The following CA14 variants were observed in gnomAD, a reference collection of about 807,000 sequenced individuals.
CA14 encodes CA-XIV.
A neutral mutation model predicts 48.8 loss-of-function variants in CA14; 44 were observed. That is an observed-to-expected ratio of 0.90 (90% confidence interval 0.71 to 1.16). The LOEUF (loss-of-function observed/expected upper bound fraction) is 1.16. Among genes scored for constraint, CA14 ranks in the 50% most tolerant of loss-of-function variants. The pLI is 0.00. For synonymous variants in CA14, 154 were observed against 155.0 expected (o/e 0.99, Z 0.05); for missense variants, 386 against 401.0 (o/e 0.96, Z 0.32).
chr1:150,262,925 T>C (rs1651193996), intron 6 of CA14, 55 bp downstream of exon 6: 2 of 1,585,342 alleles, frequency 1.3e-6, no homozygotes, highest in Non-Finnish European at 1.7e-6. Context: ...AAAACTATCC[T>C]TAAAAGCCTT....
At chr1:150,260,278 C>T (rs1553847518) in intron 2 of CA14, 107 bp downstream of exon 2, 3 of 1,046,562 alleles carry the variant, frequency 2.9e-6, no homozygotes, top group Admixed American at 1.8e-5. Context: ...ACCTTCTCAC[C>T]CTAGCTCCTC....
intron 1 of CA14, among the ~76,000 whole-genome samples, 185 bp from the exon 2 acceptor site, chr1:150,259,966 G>GC (rs1180305001): frequency 5.3e-5 from 8 of 152,138 alleles, no homozygotes; most frequent in East Asian, 1.9e-4. Flanking sequence ...TTTTAAATAG[G>GC]CCCCCCGACC....
chr1:150,261,526 C>T lies in CA14; in HGVS notation c.144C>T (p.Ile48=). The T allele has an allele frequency of 6.2e-6, 10 of 1,614,108 alleles. No homozygotes were observed. In the Middle Eastern group the frequency reaches 1.2e-3, roughly 186 times the overall value. Residue 48 remains isoleucine (I), a synonymous_variant, in exon 3 of 11, where the codon ATC becomes ATT. Transcript: ENST00000369111. The part of the protein sequence containing the change: ...PECGNNAQSP[I]DIQTDSVTFD... The stretch of plus-strand genomic sequence containing the variant: ...GTGGAAACAATGCCCAGTCGCCCAT[C>T]GATATTCAGACAGACAGTGTGACAT...
Position 150,262,510 on chromosome 1 carries a change from TCTTC to T in CA14, c.400-7_400-4del. The stretch of plus-strand genomic sequence containing the variant: ...GCAGACATTCCATGATTCAATTCCC[TCTTC>T]CTTCCTTTAGCTCCACATTGTACAT... On this transcript the variant is annotated splice_polypyrimidine_tract_variant and intron_variant, in intron 4 of 10. Transcript: ENST00000369111. 6.2e-7 allele frequency: 1 copy of T among 1,603,458 alleles called. No individual in the cohort carries two copies. The highest frequency in any genetic ancestry group is 1.3e-5 in the African/African-American group (1 of 74,742).
Position 150,263,881 on chromosome 1 carries a change from GAGGC to G in CA14, c.947+4_947+7del, listed in dbSNP as rs1651360602. The G allele has an allele frequency of 6.3e-7, 1 of 1,597,592 alleles. No individual in the cohort carries two copies. The highest frequency in any genetic ancestry group is 1.7e-5 in the Admixed American group (1 of 59,748). Reference sequence around the variant, plus strand: ...TATTTCATTGCTAGAAAGATTCGGTGAGGCCCTACTTTCCATTCCTCCAGTCCCT... The same window carrying G: ...TATTTCATTGCTAGAAAGATTCGGTGCCTACTTTCCATTCCTCCAGTCCCT... On this transcript the variant is annotated splice_donor_5th_base_variant and intron_variant, in intron 10 of 10. Coordinates refer to ENST00000369111, the MANE Select transcript of CA14 (RefSeq NM_012113.3).
At position 150,263,666 on chromosome 1, in the gene CA14, C is replaced by A; in HGVS notation, c.849C>A (p.Ser283=). The A allele has an allele frequency of 6.2e-7, 1 of 1,614,014 alleles. No individual in the cohort carries two copies. The highest frequency in any genetic ancestry group is 2.2e-5 in the East Asian group (1 of 44,880). ...MVFASFIQAG[S]SYTTGEMLSL... ...CATTTTCTTCTCTTACAGCAGGATC[C>A]TCGTATACCACAGGTAAGCCAGCCT... is the stretch of plus-strand genomic sequence containing the variant. The change falls in exon 9 of 11, where the codon TCC becomes TCA. Residue 283 remains serine, a synonymous_variant. Transcript: ENST00000369111.
intron 1 of CA14, 69 bp downstream of exon 1, chr1:150,258,252 G>C (rs1280106377): frequency 3.2e-5 from 43 of 1,329,094 alleles, no homozygotes; most frequent in East Asian, 1.5e-4. Flanking sequence ...GTGCTTAATG[G>C]GGGGAGGAGA....
intron 1 of CA14, among the ~76,000 whole-genome samples, chr1:150,258,719 T>C (rs1401270650): frequency 3.3e-5 from 5 of 152,206 alleles, no homozygotes; most frequent in African/African-American, 1.2e-4. Flanking sequence ...AGTCAACATT[T>C]GTTTGACATT....
In CA14 at chr1:150,264,947, A is replaced by G. The variant is rs1230076247; in HGVS notation, c.*288A>G. 3 of 271,152 alleles carry G rather than the reference A, an allele frequency of 1.1e-5. No individual in the cohort carries two copies. Among genetic ancestry groups the G allele is most frequent in the Non-Finnish European group, 2.1e-5 (3 of 142,374 alleles). The allele number at this position is 271,152 out of a possible 1,614,324, so 16.8% of individuals were successfully genotyped here. On this transcript the variant is annotated 3_prime_UTR_variant, in exon 11 of 11. Coordinates refer to ENST00000369111, the MANE Select transcript of CA14 (RefSeq NM_012113.3). Reference sequence around the variant, plus strand: ...AGGGGAAGTTTGGGATATACCCCAAAGTCCTCTACCCCCTCACTTTTATGG... The same window carrying G: ...AGGGGAAGTTTGGGATATACCCCAAGGTCCTCTACCCCCTCACTTTTATGG...
rs141941429 is a variant in CA14 at position 150,258,027 on chromosome 1, GCTCTCT to G, written c.-88_-83del. 28 of 671,966 alleles carry G rather than the reference GCTCTCT, an allele frequency of 4.2e-5. No individual in the cohort carries two copies. Among genetic ancestry groups the G allele is most frequent in the South Asian group, 1.1e-4 (4 of 35,736 alleles). 41.6% of individuals were successfully genotyped at this position (671,966 alleles called of 1,614,324 possible). A position where few individuals can be genotyped will look rare whatever the true frequency, so the allele number is the denominator to read the frequency against. On this transcript the variant is annotated 5_prime_UTR_variant, in exon 1 of 11. Coordinates refer to ENST00000369111, the MANE Select transcript of CA14 (RefSeq NM_012113.3). Reference sequence around the variant, plus strand: ...ATACACTCACGCCAGGAGCTCGCTCGCTCTCTCTCTCTCTCTCTCACTCCTCCCTCC... The same window carrying G: ...ATACACTCACGCCAGGAGCTCGCTCGCTCTCTCTCTCTCACTCCTCCCTCC...
In CA14 at chr1:150,260,412, G is replaced by A; in HGVS notation, c.76+241G>A. 1 of 598,530 alleles carries A rather than the reference G, an allele frequency of 1.7e-6. No homozygotes were observed. Among genetic ancestry groups the A allele is most frequent in the Non-Finnish European group, 3.0e-6 (1 of 328,256 alleles). 37.1% of individuals were successfully genotyped at this position (598,530 alleles called of 1,614,324 possible). A position where few individuals can be genotyped will look rare whatever the true frequency, so the allele number is the denominator to read the frequency against. On this transcript the variant is annotated intron_variant, in intron 2 of 10. Coordinates refer to ENST00000369111, the MANE Select transcript of CA14 (RefSeq NM_012113.3). ...GTTAAGTCCTCAGTAAATCGTGTAG[G>A]AGTGAGGGAGCTGGGGTGGAAAGGA...
At chr1:150,262,757 C>A in intron 5 of CA14, 47 bp from the exon 6 acceptor site, 1 of 1,494,528 alleles carries the variant, frequency 6.7e-7, no homozygotes, top group Non-Finnish European at 9.3e-7. Flanking sequence ...ATTTCTTATT[C>A]CAAACATGGA....
chr1:150,262,101 G>A lies in CA14; in HGVS notation c.257-57G>A, dbSNP rs1651086434. 4 of 1,608,230 alleles carry A rather than the reference G, an allele frequency of 2.5e-6. No individual in the cohort carries two copies. In the Admixed American group the frequency reaches 6.7e-5, roughly 27 times the overall value. On this transcript the variant is annotated intron_variant, in intron 3 of 10. Transcript: ENST00000369111. ...TCTCCCAAGAAGTGGTGGCAACCCA[G>A]GAGTGGGAATGTATCCACATGCCTC...
Position 150,261,460 on chromosome 1 carries a change from C to A in CA14, c.78C>A (p.Gly26=). 1 of 1,613,470 alleles carries A rather than the reference C, an allele frequency of 6.2e-7. No individual in the cohort carries two copies. The highest frequency in any genetic ancestry group is 8.5e-7 in the Non-Finnish European group (1 of 1,179,544). The change falls in exon 3 of 11, where the codon GGC becomes GGA. Residue 26 remains glycine (G), a splice_region_variant and synonymous_variant. Coordinates refer to ENST00000369111, the MANE Select transcript of CA14 (RefSeq NM_012113.3). ...ADGGQHWTYE[G]PHGQDHWPAS... is the part of the protein sequence containing the mutation. ...AATGTCTTTGGTAACCCCCACCAGG[C>A]CCACATGGTCAGGACCATTGGCCAG...
rs1553848437 is a variant in CA14, at chr1:150,263,362, A to C, written c.784A>C (p.Asn262His). The C allele has an allele frequency of 2.5e-6, 4 of 1,614,210 alleles. No individual in the cohort carries two copies. The highest frequency in any genetic ancestry group is 3.4e-6 in the Non-Finnish European group (4 of 1,180,042). ...GGAGCCCTCTAAGCTTCTGGTACAG[A>C]ACTACCGAGCCCTTCAGCCTCTCAA... ...EEEPSKLLVQ[N>H]YRALQPLNQR... The change falls in exon 8 of 11, where the codon AAC becomes CAC. Residue 262 changes from asparagine to histidine, a missense_variant. Coordinates refer to ENST00000369111, the MANE Select transcript of CA14 (RefSeq NM_012113.3).
At chr1:150,263,915 CTTTTTTTTTTT>C in intron 10 of CA14, 37 bp downstream of exon 10, 1 of 859,890 alleles carries the variant, frequency 1.2e-6, no homozygotes, top group Non-Finnish European at 1.7e-6. Context: ...GTCCCTTCTT[CTTTTTTTTTTT>C]TTTTTTGGTA....
At position 150,262,593 on chromosome 1, in the gene CA14, C is replaced by T. The variant is rs1651153881; in HGVS notation, c.468C>T (p.Gly156=). The change falls in exon 5 of 11, where the codon GGC becomes GGT. Residue 156 remains glycine, a synonymous_variant. Coordinates refer to ENST00000369111, the MANE Select transcript of CA14 (RefSeq NM_012113.3). ...GTGAGGCTGCTGAGAGGCCTCAGGGCCTGGCTGTCCTGGGCATCCTAATTG... is the reference window on the plus strand; with the variant it reads ...GTGAGGCTGCTGAGAGGCCTCAGGGTCTGGCTGTCCTGGGCATCCTAATTG... ...SLSEAAERPQ[G]LAVLGILIEV... is the part of the protein sequence containing the mutation. 6.2e-7 allele frequency: 1 copy of T among 1,613,582 alleles called. No individual in the cohort carries two copies. The highest frequency in any genetic ancestry group is 1.3e-5 in the African/African-American group (1 of 74,896).
chr1:150,262,820 A>G lies in CA14; in HGVS notation c.512A>G (p.Asn171Ser), dbSNP rs782064712. 8.7e-6 allele frequency: 14 copies of G among 1,612,822 alleles called. No individual in the cohort carries two copies. In the South Asian group the frequency reaches 1.4e-4, roughly 16 times the overall value. ...CTCTTCCAGGTGGGTGAGACTAAGA[A>G]TATAGCTTATGAACACATTCTGAGT... is the stretch of plus-strand genomic sequence containing the variant. Reference protein sequence around the residue: ...GILIEVGETKNIAYEHILSHL... With the variant: ...GILIEVGETKSIAYEHILSHL... The change falls in exon 6 of 11, where the codon AAT becomes AGT. Residue 171 changes from asparagine (N) to serine (S), a missense_variant. Physicochemically the swap from Asn to Ser is conservative, Grantham distance 46. Coordinates refer to ENST00000369111, the MANE Select transcript of CA14 (RefSeq NM_012113.3).
Position 150,262,112 on chromosome 1 carries a change from G to A in CA14, c.257-46G>A, listed in dbSNP as rs146043122. ...GTGGTGGCAACCCAGGAGTGGGAAT[G>A]TATCCACATGCCTCCACCAATCCGA... On this transcript the variant is annotated intron_variant, in intron 3 of 10. Coordinates refer to ENST00000369111, the MANE Select transcript of CA14 (RefSeq NM_012113.3). The A allele has an allele frequency of 4.7e-4, 763 of 1,612,340 alleles. 13 individuals carry two copies. The East Asian group carries it at 0.015, about 32-fold the overall frequency.
Sources: allele counts gnomAD v4.1 joint callset (sites outside exome capture counted in the v4.1 genomes callset), GRCh38; gene constraint gnomAD v4.1.1; transcripts MANE v1.5; gene names NCBI Gene and HGNC (gene_info 2026-07-23, HGNC 2026-07-21).